Variants in ZFP2 observed in about 807,000 individuals in gnomAD.
The protein encoded by ZFP2 is zinc finger protein ZFP2.
Under a neutral mutation model 36.1 loss-of-function variants are expected in ZFP2, and 33 were observed. The observed-to-expected ratio is 0.92, with a 90% CI of 0.69 to 1.22. ZFP2 has a LOEUF of 1.22. Among genes scored for constraint, ZFP2 ranks in the 50% most tolerant of loss-of-function variants. The pLI, the probability that ZFP2 is intolerant of heterozygous loss-of-function variation, is 0.00. For synonymous variants in ZFP2, 170 were observed against 178.0 expected, an observed-to-expected ratio of 0.96 and a Z score of 0.36; for missense variants, 522 against 551.4, an observed-to-expected ratio of 0.95 and a Z score of 0.53.
At chr5:178,900,966 G>A (rs1367870505) in intron 1 of ZFP2, among the ~76,000 whole-genome samples, 1 of 152,156 alleles carries the variant, frequency 6.6e-6, no homozygotes, top group Non-Finnish European at 1.5e-5. Flanking sequence ...TTTGCTCAAC[G>A]TAATGTTTTT....
chr5:178,901,546 A>G (rs899979482), intron 1 of ZFP2, among the ~76,000 whole-genome samples: 1 of 152,128 alleles, frequency 6.6e-6, no homozygotes, highest in Non-Finnish European at 1.5e-5. Context: ...GCATCGCTCT[A>G]ATCCTTACCT....
At chr5:178,929,950 G>GA (rs1016938730) in intron 4 of ZFP2, among the ~76,000 whole-genome samples, 6 of 147,610 alleles carry the variant, frequency 4.1e-5, no homozygotes, top group Non-Finnish European at 4.6e-5. Context: ...GGTGGGGGGG[G>GA]GGGCTCAGGA....
At position 178,901,694 on chromosome 5, in the gene ZFP2, A is replaced by G. The variant is rs375587667; in HGVS notation, c.-450+5720A>G. ...AGGTACTAGAAGCTGGGACTTCAAC[A>G]TACCTTTTTTGGGGGACACAGTTCA... On this transcript the variant is annotated intron_variant, in intron 1 of 4. Transcript: ENST00000361362. Among the ~76,000 whole-genome samples, 51 of 152,220 alleles carry G rather than the reference A, an allele frequency of 3.4e-4. No homozygotes were observed. The South Asian group carries it at 0.01, about 30-fold the overall frequency.
chr5:178,907,546 T>C (rs887626029), intron 1 of ZFP2, among the ~76,000 whole-genome samples: 2 of 152,096 alleles, frequency 1.3e-5, no homozygotes, highest in East Asian at 1.9e-4. Context: ...TATACTTTGA[T>C]ATTTGTTTGG....
chr5:178,902,509 A>G (rs945163034), intron 1 of ZFP2, among the ~76,000 whole-genome samples: 1 of 152,122 alleles, frequency 6.6e-6, no homozygotes, highest in Non-Finnish European at 1.5e-5. Flanking sequence ...TTCATTATTG[A>G]TCTTCAATGA....
At chr5:178,928,312 G>A (rs906312650) in intron 4 of ZFP2, among the ~76,000 whole-genome samples, 10 of 152,046 alleles carry the variant, frequency 6.6e-5, no homozygotes, top group African/African-American at 2.2e-4. Context: ...GTCTTAACTC[G>A]TTCCAACATT....
intron 1 of ZFP2, among the ~76,000 whole-genome samples, chr5:178,896,693 C>T (rs1412376179): frequency 6.6e-6 from 1 of 152,210 alleles, no homozygotes; most frequent in African/African-American, 2.4e-5. Flanking sequence ...TCTCCATCTG[C>T]ATGGCAGCGT....
intron 4 of ZFP2, chr5:178,922,750 C>T: frequency 6.5e-7 from 1 of 1,541,606 alleles, no homozygotes. Flanking sequence ...TTTCTTTGTG[C>T]AGATTCTGTA....
At chr5:178,908,517 C>T (rs1758218144) in intron 1 of ZFP2, among the ~76,000 whole-genome samples, 2 of 151,218 alleles carry the variant, frequency 1.3e-5, no homozygotes, top group South Asian at 4.2e-4. Flanking sequence ...CAGACCTGCC[C>T]TTAGAAACAA....
intron 4 of ZFP2, among the ~76,000 whole-genome samples, chr5:178,917,247 C>A (rs1235519039): frequency 1.3e-5 from 2 of 152,266 alleles, no homozygotes; most frequent in Middle Eastern, 6.8e-3. Flanking sequence ...ATTCTATAAT[C>A]TTTTTAGCTC....
At chr5:178,924,179 T>G (rs1027753240) in intron 4 of ZFP2, among the ~76,000 whole-genome samples, 4 of 148,302 alleles carry the variant, frequency 2.7e-5, no homozygotes, top group Admixed American at 6.8e-5. Flanking sequence ...CGAGACCATC[T>G]TGGCTAACAC....
intron 3 of ZFP2, among the ~76,000 whole-genome samples, chr5:178,914,508 A>G (rs997142503): frequency 6.6e-6 from 1 of 152,220 alleles, no homozygotes; most frequent in African/African-American, 2.4e-5. Context: ...ATTACTATTG[A>G]TATTTGTATT....
rs144274748 is a variant in ZFP2, at chr5:178,921,516, G to C, written c.-78+4806G>C. 4.7e-3 allele frequency among the ~76,000 whole-genome samples: 707 copies of C among 149,754 alleles called. 30 individuals carry two copies. The highest frequency in any genetic ancestry group is 0.015 in the African/African-American group (640 of 41,306). ...CCTGTCAGCTTGCAGTGGCACTGCT[G>C]TTGCAGCAGCCACCAGAGGATTGCT... On this transcript the variant is annotated intron_variant, in intron 4 of 4. Transcript: ENST00000361362.
rs570730336 is a variant in ZFP2, at chr5:178,932,924, T to C, written c.*225T>C. On this transcript the variant is annotated 3_prime_UTR_variant, in exon 5 of 5. Coordinates refer to ENST00000361362, the MANE Select transcript of ZFP2 (RefSeq NM_030613.4). ...TATCAGAAGGTTTAAATAGCTAATA[T>C]AAACAATGAAGAGTCATGCTGAAGA... 2 of 520,366 alleles carry C rather than the reference T, an allele frequency of 3.8e-6. No homozygotes were observed. The highest frequency in any genetic ancestry group is 6.6e-6 in the Non-Finnish European group (2 of 301,442). 32.2% of individuals were successfully genotyped at this position (520,366 alleles called of 1,614,324 possible).
At chr5:178,905,778 G>A (rs1185429306) in intron 1 of ZFP2, among the ~76,000 whole-genome samples, 1 of 151,326 alleles carries the variant, frequency 6.6e-6, no homozygotes, top group African/African-American at 2.4e-5. Context: ...TGGAGACAAG[G>A]CCTGGCTGAA....
intron 1 of ZFP2, among the ~76,000 whole-genome samples, chr5:178,910,812 A>G (rs906786718): frequency 2.0e-5 from 3 of 151,684 alleles, no homozygotes; most frequent in Non-Finnish European, 4.4e-5. Flanking sequence ...CAGGCTCCCT[A>G]CCCCTGCCGC....
At chr5:178,918,611 C>T (rs969970913) in intron 4 of ZFP2, among the ~76,000 whole-genome samples, 2 of 152,024 alleles carry the variant, frequency 1.3e-5, no homozygotes, top group Admixed American at 1.3e-4. Context: ...TTATATAAAT[C>T]CTATAAGTTA....
chr5:178,911,478 TTCC>T (rs1300727511), intron 1 of ZFP2, among the ~76,000 whole-genome samples: 1 of 152,156 alleles, frequency 6.6e-6, no homozygotes, highest in Non-Finnish European at 1.5e-5. Flanking sequence ...TCTCCTCTCC[TTCC>T]TCCTCCTCTG....
At chr5:178,919,615 G>GTA (rs1758511049) in intron 4 of ZFP2, among the ~76,000 whole-genome samples, 1 of 152,248 alleles carries the variant, frequency 6.6e-6, no homozygotes, top group East Asian at 1.9e-4. Context: ...ACCAAGTAGT[G>GTA]TATCAATTTT....
Sources: gnomAD v4.1 joint callset for allele counts (sites outside exome capture counted in the v4.1 genomes callset) on GRCh38, gnomAD v4.1.1 for gene constraint, MANE v1.5 for transcripts, NCBI Gene and HGNC (gene_info 2026-07-23, HGNC 2026-07-21) for gene names.